Variants in USP4 observed in about 807,000 individuals in gnomAD.
USP4 encodes the protein ubiquitin carboxyl-terminal hydrolase 4.
USP4 carries 72 observed loss-of-function variants against 118.2 expected under a neutral mutation model. The observed-to-expected ratio is 0.61, with a 90% CI of 0.50 to 0.74. USP4 has a LOEUF of 0.74. Ranked by LOEUF, USP4 falls within the 30% of genes least tolerant of loss-of-function variation. The probability of loss-of-function intolerance (pLI) is 0.00; values close to 1 mark genes in which losing one functional copy is unlikely to be tolerated. For synonymous variants in USP4, 415 were observed against 440.4 expected, an observed-to-expected ratio of 0.94 and a Z score of 0.72; for missense variants, 1,037 against 1,185.7, an observed-to-expected ratio of 0.87 and a Z score of 1.84.
At chr3:49,324,576 TG>T in intron 6 of USP4, 125 bp downstream of exon 6, 1 of 894,534 alleles carries the variant, frequency 1.1e-6, no homozygotes, top group Non-Finnish European at 1.8e-6. Context: ...GCATGAACTC[TG>T]GATATACAAA....
At chr3:49,322,348 A>C (rs2047511226) in intron 6 of USP4, among the ~76,000 whole-genome samples, 1 of 152,214 alleles carries the variant, frequency 6.6e-6, no homozygotes, top group African/African-American at 2.4e-5. Flanking sequence ...CTTTTGATGG[A>C]CATTTGGGTT....
intron 9 of USP4, among the ~76,000 whole-genome samples, chr3:49,303,169 G>A (rs184055949): frequency 1.3e-5 from 2 of 152,174 alleles, no homozygotes; most frequent in Non-Finnish European, 2.9e-5. Context: ...AGCCAGGCAC[G>A]GTGGCTCATG....
intron 5 of USP4, 55 bp downstream of exon 5, chr3:49,324,839 T>C (rs1007665595): frequency 6.2e-7 from 1 of 1,613,822 alleles, no homozygotes; most frequent in Non-Finnish European, 8.5e-7. Context: ...AAAAAGTATC[T>C]GGCCACACAC....
At position 49,293,318 on chromosome 3, in the gene USP4, G is replaced by A. The variant is rs139308521; in HGVS notation, c.1884-720C>T. Among the ~76,000 whole-genome samples the A allele has an allele frequency of 2.6e-5, 4 of 152,140 alleles. No individual in the cohort carries two copies. In the East Asian group the frequency reaches 7.8e-4, roughly 30 times the overall value. On this transcript the variant is annotated intron_variant, in intron 14 of 21. Transcript: ENST00000265560. ...ACTTGAGGTCAGGAGTTTGAGACTA[G>A]CCTGGCCAACACGGTGAAACCTCCT...
chr3:49,306,350 C>T (rs1326905942), intron 8 of USP4, among the ~76,000 whole-genome samples: 5 of 151,410 alleles, frequency 3.3e-5, no homozygotes, highest in Admixed American at 2.0e-4. Flanking sequence ...TCACAGGCAC[C>T]GGCCACCACA....
At chr3:49,278,589 C>T in intron 21 of USP4, 138 bp from the exon 22 acceptor site, 1 of 1,088,718 alleles carries the variant, frequency 9.2e-7, no homozygotes, top group Non-Finnish European at 1.3e-6. Flanking sequence ...AGGATGGCTG[C>T]CCCTGCCAGG....
chr3:49,308,616 G>A lies in USP4; in HGVS notation c.954+2004C>T, dbSNP rs376477089. Among the ~76,000 whole-genome samples, 12 of 151,994 alleles carry A rather than the reference G, an allele frequency of 7.9e-5. No individual in the cohort carries two copies. The East Asian group carries it at 2.3e-3, about 30-fold the overall frequency. The stretch of plus-strand genomic sequence containing the variant: ...TTACAGGCGTGAGCCACCACACCCT[G>A]CCAGTCAATCATATTTATATAATGA... On this transcript the variant is annotated intron_variant, in intron 8 of 21. Coordinates refer to ENST00000265560, the MANE Select transcript of USP4 (RefSeq NM_003363.4).
In USP4 at chr3:49,310,734, T is replaced by C; in HGVS notation, c.840A>G (p.Gly280=). ...AATTATACGAAGCAGAAAAGCCAGA[T>C]CCACTGGAAAACACAACACACATCA... The part of the protein sequence containing the change: ...GMHSSGVSRG[G]SGFSASYNCQ... Residue 280 remains glycine (G), a synonymous_variant, in exon 8 of 22, where the codon GGA becomes GGG. Coordinates refer to ENST00000265560, the MANE Select transcript of USP4 (RefSeq NM_003363.4). 1 of 1,612,928 alleles carries C rather than the reference T, an allele frequency of 6.2e-7. No individual in the cohort carries two copies. The highest frequency in any genetic ancestry group is 8.5e-7 in the Non-Finnish European group (1 of 1,178,972).
chr3:49,298,365 C>T (rs1440359439), intron 12 of USP4, among the ~76,000 whole-genome samples, 187 bp downstream of exon 12: 2 of 152,162 alleles, frequency 1.3e-5, no homozygotes, highest in African/African-American at 4.8e-5. Context: ...ATAGTGTTTC[C>T]TGGAGCTGGA....
intron 15 of USP4, among the ~76,000 whole-genome samples, chr3:49,291,188 T>A (rs1393616362): frequency 2.0e-5 from 3 of 149,380 alleles, no homozygotes; most frequent in African/African-American, 7.4e-5. Context: ...ATAGTTTCGA[T>A]CTCCTGACCT....
intron 2 of USP4, among the ~76,000 whole-genome samples, chr3:49,328,843 A>G (rs1218931113): frequency 3.3e-5 from 5 of 152,140 alleles, no homozygotes; most frequent in African/African-American, 7.2e-5. Flanking sequence ...TGGGTGACAG[A>G]GCAAGACTCT....
At chr3:49,311,398 G>T in intron 7 of USP4, 116 bp downstream of exon 7, 2 of 1,133,194 alleles carry the variant, frequency 1.8e-6, no homozygotes, top group South Asian at 1.5e-5. Flanking sequence ...CATGTAGCAT[G>T]TTCCCATGAG....
chr3:49,325,750 C>T lies in USP4; in HGVS notation c.456G>A (p.Leu152=), dbSNP rs746197015. 2.5e-6 allele frequency: 4 copies of T among 1,613,858 alleles called. No individual in the cohort carries two copies. The African/African-American group carries it at 5.3e-5, about 22-fold the overall frequency. Residue 152 remains leucine (L), a synonymous_variant, in exon 4 of 22, where the codon CTG becomes CTA. Coordinates refer to ENST00000265560, the MANE Select transcript of USP4 (RefSeq NM_003363.4). Reference sequence around the variant, plus strand: ...TGTCTGCCTTGCTGAAATGGCAACTCAGCACATTGGTGGGGTCACTGTTCT... The same window carrying T: ...TGTCTGCCTTGCTGAAATGGCAACTTAGCACATTGGTGGGGTCACTGTTCT... ...LCENSDPTNV[L]SCHFSKADTI...
At chr3:49,297,244 C>T (rs932197016) in intron 13 of USP4, among the ~76,000 whole-genome samples, 3 of 152,098 alleles carry the variant, frequency 2.0e-5, no homozygotes, top group Admixed American at 1.3e-4. Context: ...TGGGAGCAGC[C>T]GGCAAGTTAT....
intron 2 of USP4, among the ~76,000 whole-genome samples, chr3:49,329,740 C>T (rs1334674843): frequency 6.6e-6 from 1 of 152,046 alleles, no homozygotes; most frequent in Non-Finnish European, 1.5e-5. Flanking sequence ...AATGGTAAAT[C>T]CTTTCCAAAA....
chr3:49,303,420 G>A (rs1388905469), intron 9 of USP4, among the ~76,000 whole-genome samples: 5 of 117,168 alleles, frequency 4.3e-5, no homozygotes, highest in East Asian at 2.5e-4. Context: ...CAGCCTGGGC[G>A]ACATAGCAAG....
intron 8 of USP4, 78 bp from the exon 9 acceptor site, chr3:49,305,966 G>A: frequency 7.2e-7 from 1 of 1,389,376 alleles, no homozygotes; most frequent in Non-Finnish European, 9.6e-7. Context: ...GTTCTAAAGG[G>A]TCACTGAGGG....
At chr3:49,285,987 TG>T in intron 16 of USP4, 110 bp downstream of exon 16, 1 of 1,007,748 alleles carries the variant, frequency 9.9e-7, no homozygotes, top group Non-Finnish European at 1.5e-6. Context: ...GTGCTGCTCC[TG>T]GAGGCACAGA....
chr3:49,296,713 A>C (rs1436439635), intron 13 of USP4, among the ~76,000 whole-genome samples: 1 of 152,292 alleles, frequency 6.6e-6, no homozygotes, highest in African/African-American at 2.4e-5. Flanking sequence ...AACAATTGTC[A>C]ATTCAAATTC....
Sources: gnomAD v4.1 joint callset for allele counts (sites outside exome capture counted in the v4.1 genomes callset) on GRCh38, gnomAD v4.1.1 for gene constraint, MANE v1.5 for transcripts, NCBI Gene and HGNC (gene_info 2026-07-23, HGNC 2026-07-21) for gene names.